SWAP70: variants seen among roughly 807,000 people sequenced by gnomAD.
SWAP70 encodes the protein switch-associated protein 70.
A neutral mutation model predicts 80.2 loss-of-function variants in SWAP70; 34 were observed. That is an observed-to-expected ratio of 0.42 (90% CI 0.32 to 0.56). The LOEUF is 0.56. Ranked by LOEUF, SWAP70 falls within the 20% of genes least tolerant of loss-of-function variation. SWAP70 has a pLI of 0.09. For missense variants in SWAP70, 578 were observed against 690.7 expected, an observed-to-expected ratio of 0.84 and a Z score of 1.83; for synonymous variants, 239 against 238.5, an observed-to-expected ratio of 1.00 and a Z score of -0.02.
chr11:9,699,255 A>G (rs1207072045), intron 2 of SWAP70, among the ~76,000 whole-genome samples: 1 of 152,144 alleles, frequency 6.6e-6, no homozygotes, highest in East Asian at 1.9e-4. Flanking sequence ...AGCCTTATGA[A>G]TATATTGAAA....
At chr11:9,739,833 T>A (rs1185334847) in intron 8 of SWAP70, among the ~76,000 whole-genome samples, 1 of 152,192 alleles carries the variant, frequency 6.6e-6, no homozygotes, top group African/African-American at 2.4e-5. Flanking sequence ...GAAGACCCTA[T>A]TGGTAAAAAG....
intron 9 of SWAP70, among the ~76,000 whole-genome samples, chr11:9,744,678 C>T (rs986674935): frequency 1.3e-5 from 2 of 152,058 alleles, no homozygotes; most frequent in African/African-American, 2.4e-5. Flanking sequence ...GAGGCTGAGG[C>T]GGGCGGATCC....
intron 1 of SWAP70, among the ~76,000 whole-genome samples, chr11:9,691,428 C>T (rs1850696467): frequency 6.6e-6 from 1 of 152,192 alleles, no homozygotes; most frequent in Admixed American, 6.5e-5. Context: ...TACTGTGCTG[C>T]CTTCCTCACA....
chr11:9,671,157 A>AT (rs1326631846), intron 1 of SWAP70, among the ~76,000 whole-genome samples: 6 of 127,828 alleles, frequency 4.7e-5, no homozygotes, highest in African/African-American at 9.0e-5. Flanking sequence ...AAAAATATAT[A>AT]AAATATATTT....
In SWAP70 at chr11:9,728,215, C is replaced by G; in HGVS notation, c.789+16C>G. 1 of 1,579,824 alleles carries G rather than the reference C, an allele frequency of 6.3e-7. No homozygotes were observed. The highest frequency in any genetic ancestry group is 8.6e-7 in the Non-Finnish European group (1 of 1,167,542). ...CTGTGTAGAGGTGAGTCTACTCTTA[C>G]TTCTTTGCATGATTACCCCGTGCTG... On this transcript the variant is annotated intron_variant, in intron 5 of 11. Transcript: ENST00000318950.
At position 9,724,872 on chromosome 11, in the gene SWAP70, A is replaced by G; in HGVS notation, c.629A>G (p.Asp210Gly). Residue 210 changes from aspartate (D) to glycine (G), a missense_variant, in exon 4 of 12, where the codon GAT becomes GGT. Physicochemically the swap from Asp to Gly is moderately conservative, Grantham distance 94 (BLOSUM62 -1). Transcript: ENST00000318950. ...INEVFNELIL[D>G]VLKQGYMMKK... is the part of the protein sequence containing the mutation. The stretch of plus-strand genomic sequence containing the variant: ...GAAGTCTTTAATGAACTTATATTAG[A>G]TGTGTTAAAGCAGGTAAGAATTCTG... The G allele has an allele frequency of 3.7e-6, 6 of 1,601,008 alleles. No homozygotes were observed. Among genetic ancestry groups the G allele is most frequent in the Non-Finnish European group, 5.1e-6 (6 of 1,169,348 alleles).
Position 9,713,549 on chromosome 11 carries a change from G to A in SWAP70, c.324G>A (p.Leu108=). 1.9e-6 allele frequency: 3 copies of A among 1,614,012 alleles called. 1 individual carries two copies. In the South Asian group the frequency reaches 3.3e-5, roughly 18 times the overall value. The change falls in exon 3 of 12, where the codon CTG becomes CTA. Residue 108 remains leucine, a synonymous_variant. Coordinates refer to ENST00000318950, the MANE Select transcript of SWAP70 (RefSeq NM_015055.4). ...AAAAAAACCTCACAAAGAATCCCCT[G>A]CTCATTACAGAAGAAGATGCATTTA... is the stretch of plus-strand genomic sequence containing the variant. The part of the protein sequence containing the change: ...CVKKNLTKNP[L]LITEEDAFKI...
chr11:9,672,195 CTA>C (rs57590750), intron 1 of SWAP70, among the ~76,000 whole-genome samples: 1,651 of 78,366 alleles, frequency 0.021, 22 homozygotes, highest in Middle Eastern at 0.059. Context: ...ATGTGTGTGT[CTA>C]TATATATATA....
intron 3 of SWAP70, among the ~76,000 whole-genome samples, chr11:9,719,202 C>T (rs374133140): frequency 2.7e-5 from 4 of 146,752 alleles, no homozygotes; most frequent in African/African-American, 1.0e-4. Context: ...CTCAGGAATT[C>T]GAGACCAGCC....
intron 9 of SWAP70, among the ~76,000 whole-genome samples, chr11:9,742,159 C>T (rs1361281931): frequency 6.6e-6 from 1 of 152,070 alleles, no homozygotes; most frequent in Non-Finnish European, 1.5e-5. Flanking sequence ...ATGGTTTCAA[C>T]CTTTTGAATC....
intron 1 of SWAP70, among the ~76,000 whole-genome samples, chr11:9,676,385 G>A (rs1027556394): frequency 1.2e-4 from 18 of 152,178 alleles, no homozygotes; most frequent in South Asian, 4.1e-4. Context: ...TCTTTTGTTT[G>A]TACAGTTTGT....
intron 4 of SWAP70, among the ~76,000 whole-genome samples, chr11:9,727,432 C>T (rs958805398): frequency 2.0e-5 from 3 of 152,238 alleles, no homozygotes; most frequent in South Asian, 2.1e-4. Flanking sequence ...ACTATGTTGC[C>T]CACACTGATC....
intron 2 of SWAP70, among the ~76,000 whole-genome samples, chr11:9,698,093 G>GTTTTTTTTTTTTTTT (rs201181416): frequency 2.7e-5 from 3 of 109,584 alleles, no homozygotes; most frequent in Non-Finnish European, 3.6e-5. Context: ...GCCAATACAT[G>GTTTTTTTTTTTTTTT]TTTTTTGTTT....
intron 7 of SWAP70, among the ~76,000 whole-genome samples, chr11:9,735,814 T>C (rs936797207): frequency 2.0e-5 from 3 of 152,194 alleles, no homozygotes; most frequent in African/African-American, 7.2e-5. Context: ...TTTTTTGGTC[T>C]TTGTCTTTCA....
intron 4 of SWAP70, among the ~76,000 whole-genome samples, chr11:9,725,547 A>C (rs1302203891): frequency 9.9e-5 from 1 of 10,072 alleles, no homozygotes; most frequent in Non-Finnish European, 2.4e-4. Context: ...ATATATATAT[A>C]TATATATATA....
At chr11:9,727,116 C>T (rs1038630157) in intron 4 of SWAP70, among the ~76,000 whole-genome samples, 1 of 152,140 alleles carries the variant, frequency 6.6e-6, no homozygotes, top group Admixed American at 6.5e-5. Context: ...TTTGGCTGGA[C>T]GTGGTGGCTC....
chr11:9,741,222 G>C (rs1473841749), intron 9 of SWAP70: 2 of 152,140 alleles, frequency 1.3e-5, no homozygotes, highest in East Asian at 3.8e-4. Context: ...AGAGAAAGAA[G>C]AAGCCATCTT....
chr11:9,698,420 C>T (rs755414743), intron 2 of SWAP70, among the ~76,000 whole-genome samples: 1 of 151,148 alleles, frequency 6.6e-6, no homozygotes, highest in Non-Finnish European at 1.5e-5. Context: ...TTTTTTGAGA[C>T]GGAGTCTCTC....
chr11:9,693,940 T>C (rs1850724659), intron 1 of SWAP70, among the ~76,000 whole-genome samples: 2 of 152,130 alleles, frequency 1.3e-5, no homozygotes, highest in South Asian at 4.1e-4. Flanking sequence ...TAGAGACTAG[T>C]TCTAAGTGAA....
Sources: gnomAD v4.1 joint callset for allele counts (sites outside exome capture counted in the v4.1 genomes callset) on GRCh38, gnomAD v4.1.1 for gene constraint, MANE v1.5 for transcripts, NCBI Gene and HGNC (gene_info 2026-07-23, HGNC 2026-07-21) for gene names.